The following ITGB3BP variants were observed in gnomAD, a reference collection of about 807,000 sequenced individuals.
ITGB3BP encodes integrin subunit beta 3 binding protein.
Under a neutral mutation model 29.1 loss-of-function variants are expected in ITGB3BP, and 27 were observed. The ratio of observed to expected loss-of-function variants is 0.93; its 90% confidence interval spans 0.68 to 1.28. ITGB3BP has a LOEUF of 1.28. Ranked by LOEUF, ITGB3BP falls within the 50% of genes most tolerant of loss-of-function variation. The pLI is 0.00. For synonymous variants in ITGB3BP, 61 were observed against 61.4 expected (o/e 0.99, Z 0.03); for missense variants, 192 against 200.2 (o/e 0.96, Z 0.25).
chr1:63,501,824 T>C (rs1284436744), intron 2 of ITGB3BP, among the ~76,000 whole-genome samples: 1 of 150,738 alleles, frequency 6.6e-6, no homozygotes, highest in Non-Finnish European at 1.5e-5. Flanking sequence ...ATCATAACAA[T>C]GTACTCCAGC....
chr1:63,481,292 T>G (rs1212602422), intron 3 of ITGB3BP, among the ~76,000 whole-genome samples: 3 of 152,160 alleles, frequency 2.0e-5, no homozygotes, highest in Non-Finnish European at 4.4e-5. Flanking sequence ...GACTTATGAT[T>G]TTAAATAATT....
chr1:63,451,299 T>C (rs1644856471), intron 7 of ITGB3BP, among the ~76,000 whole-genome samples: 1 of 151,662 alleles, frequency 6.6e-6, no homozygotes, highest in Non-Finnish European at 1.5e-5. Context: ...ATTTTCATAA[T>C]TACCTTAACA....
upstream of ITGB3BP, among the ~76,000 whole-genome samples, chr1:63,526,754 G>T (rs1646596755): frequency 6.6e-6 from 1 of 151,980 alleles, no homozygotes; most frequent in South Asian, 2.1e-4. Context: ...AAATGTTTAG[G>T]CAGACATCCA....
At chr1:63,527,599 T>C (rs6684993), upstream of ITGB3BP, among the ~76,000 whole-genome samples, 38,732 of 152,086 alleles carry the variant, frequency 0.25, 6,581 homozygotes, top group African/African-American at 0.49. Flanking sequence ...AAAATTTAAA[T>C]ATCTACAGCT....
chr1:63,501,871 A>AAG (rs1645938923), intron 2 of ITGB3BP, among the ~76,000 whole-genome samples: 1 of 151,950 alleles, frequency 6.6e-6, no homozygotes, highest in African/African-American at 2.4e-5. Context: ...CGAAAAAAAA[A>AAG]AAAAAGTGTC....
At chr1:63,510,690 T>C (rs891458196) in intron 1 of ITGB3BP, among the ~76,000 whole-genome samples, 3 of 152,190 alleles carry the variant, frequency 2.0e-5, no homozygotes, top group African/African-American at 7.2e-5. Flanking sequence ...ACTTGCCTAT[T>C]GTCACACATC....
At chr1:63,451,868 G>A (rs931076138) in intron 7 of ITGB3BP, 2 of 151,942 alleles carry the variant, frequency 1.3e-5, no homozygotes, top group Non-Finnish European at 2.9e-5. Flanking sequence ...CAATGACTAC[G>A]TAGAATAGAA....
chr1:63,453,167 C>T (rs1644885617), intron 7 of ITGB3BP, among the ~76,000 whole-genome samples: 1 of 152,162 alleles, frequency 6.6e-6, no homozygotes, highest in South Asian at 2.1e-4. Flanking sequence ...TATCTTTCCA[C>T]ATTGCTGTAA....
At chr1:63,515,551 G>C (rs1009305579) in intron 1 of ITGB3BP, among the ~76,000 whole-genome samples, 47 of 152,002 alleles carry the variant, frequency 3.1e-4, no homozygotes, top group African/African-American at 1.1e-3. Flanking sequence ...TTCAACGCCA[G>C]GCACGATGGT....
chr1:63,472,364 CAAAAAAAAAAAA>C (rs1196554276), intron 4 of ITGB3BP, among the ~76,000 whole-genome samples: 1 of 118,548 alleles, frequency 8.4e-6, no homozygotes, highest in African/African-American at 3.1e-5. Flanking sequence ...GATATTTTTG[CAAAAAAAAAAAA>C]AAAGAATATT....
chr1:63,524,850 G>T (rs1411982079), upstream of ITGB3BP, among the ~76,000 whole-genome samples: 2 of 152,160 alleles, frequency 1.3e-5, no homozygotes, highest in Admixed American at 1.3e-4. Flanking sequence ...AAGACAAGAT[G>T]TATGACAGTT....
chr1:63,504,727 T>C (rs1302818132), intron 2 of ITGB3BP, among the ~76,000 whole-genome samples: 1 of 152,216 alleles, frequency 6.6e-6, no homozygotes, highest in Non-Finnish European at 1.5e-5. Flanking sequence ...ATGAAGGTTG[T>C]TGAATTTTGT....
intron 3 of ITGB3BP, among the ~76,000 whole-genome samples, chr1:63,486,260 T>A (rs1177281371): frequency 3.3e-5 from 5 of 152,050 alleles, no homozygotes; most frequent in African/African-American, 1.2e-4. Flanking sequence ...TCCGAAGTGT[T>A]CATGGGAGGA....
chr1:63,510,151 T>C (rs1646168132), intron 1 of ITGB3BP: 4 of 610,834 alleles, frequency 6.5e-6, no homozygotes, highest in Middle Eastern at 5.4e-4. Flanking sequence ...AATCGTGCCA[T>C]TGCACTCTAG....
rs182828574 is a variant in ITGB3BP at position 63,489,095 on chromosome 1, G to A, written c.184+988C>T. On this transcript the variant is annotated intron_variant, in intron 3 of 8. Coordinates refer to ENST00000271002, the MANE Select transcript of ITGB3BP (RefSeq NM_014288.5). ...AAAATAGAACTATGAAACTTAAAGT[G>A]TATACATTTTCATACATTTTAGGGA... Among the ~76,000 whole-genome samples the A allele has an allele frequency of 3.3e-5, 5 of 152,008 alleles. No individual in the cohort carries two copies. The East Asian group carries it at 5.8e-4, about 18-fold the overall frequency.
In ITGB3BP at chr1:63,518,623, T is replaced by C. The variant is rs183825849; in HGVS notation, c.5+4506A>G. Among the ~76,000 whole-genome samples the C allele has an allele frequency of 4.3e-3, 657 of 151,846 alleles. 5 individuals are homozygous for C. Among genetic ancestry groups the C allele is most frequent in the African/African-American group, 0.014 (600 of 41,448 alleles). On this transcript the variant is annotated intron_variant, in intron 1 of 8. Transcript: ENST00000271002. ...TTTTAACTTTCAACTTTGTTGCTTA[T>C]AGACAGTAAAGAGTTAGGACTTGCT...
Position 63,523,180 on chromosome 1 carries a change from G to C in ITGB3BP, c.-47C>G. On this transcript the variant is annotated 5_prime_UTR_variant, in exon 1 of 9. Transcript: ENST00000271002. The stretch of plus-strand genomic sequence containing the variant: ...ACTGCCGCTGAATAAAACGAACCCA[G>C]CAACTTCCGAAAACAGAAAATCCGC... 6.2e-7 allele frequency: 1 copy of C among 1,613,040 alleles called. No individual in the cohort carries two copies. Among genetic ancestry groups the C allele is most frequent in the Non-Finnish European group, 8.5e-7 (1 of 1,179,760 alleles).
chr1:63,478,512 C>T (rs139905271), intron 4 of ITGB3BP, among the ~76,000 whole-genome samples: 7 of 152,140 alleles, frequency 4.6e-5, no homozygotes, highest in Non-Finnish European at 7.4e-5. Flanking sequence ...TTTTACCCTG[C>T]GCTGGTCTAT....
intron 2 of ITGB3BP, among the ~76,000 whole-genome samples, chr1:63,493,152 G>T (rs1289013014): frequency 6.8e-6 from 1 of 147,376 alleles, no homozygotes; most frequent in African/African-American, 2.5e-5. Flanking sequence ...ACTGCTGGCA[G>T]CTCATGCCTG....
Sources: gnomAD v4.1 joint callset for allele counts (sites outside exome capture counted in the v4.1 genomes callset) on GRCh38, gnomAD v4.1.1 for gene constraint, MANE v1.5 for transcripts, NCBI Gene and HGNC (gene_info 2026-07-23, HGNC 2026-07-21) for gene names.